The following ITFG1 variants were observed in gnomAD, a reference collection of about 807,000 sequenced individuals.
ITFG1 encodes the protein integrin alpha FG-GAP repeat containing 1.
ITFG1 carries 34 observed loss-of-function variants against 81.8 expected under a neutral mutation model. That is an observed-to-expected ratio of 0.42 (90% CI 0.32 to 0.55). ITFG1 has a LOEUF of 0.55. Ranked by LOEUF, ITFG1 falls within the 20% of genes least tolerant of loss-of-function variation. ITFG1 has a pLI of 0.17. For synonymous variants in ITFG1, 285 were observed against 270.6 expected (o/e 1.05, Z -0.52); for missense variants, 672 against 755.4 (o/e 0.89, Z 1.29).
At chr16:47,409,712 T>C (rs1267339073) in intron 6 of ITFG1, among the ~76,000 whole-genome samples, 3 of 150,954 alleles carry the variant, frequency 2.0e-5, no homozygotes, top group Admixed American at 2.0e-4. Context: ...CCACTGCACC[T>C]GACCCCACAA....
chr16:47,218,743 TAAGTATAATAA>T, intron 14 of ITFG1, 114 bp downstream of exon 14: 1 of 457,334 alleles, frequency 2.2e-6, no homozygotes, highest in Non-Finnish European at 3.8e-6. Context: ...ATGGAAAGAC[TAAGTATAATAA>T]AAGTGAAGAT....
chr16:47,364,276 CTG>C (rs1375085538), intron 8 of ITFG1, among the ~76,000 whole-genome samples: 2 of 152,170 alleles, frequency 1.3e-5, no homozygotes, highest in African/African-American at 2.4e-5. Flanking sequence ...CTTAATTTGA[CTG>C]TGTCTTATAA....
At chr16:47,262,020 C>T (rs1004352817) in intron 10 of ITFG1, among the ~76,000 whole-genome samples, 1 of 152,168 alleles carries the variant, frequency 6.6e-6, no homozygotes, top group Non-Finnish European at 1.5e-5. Context: ...TTCTTTTGTT[C>T]ATATAAAAAT....
At chr16:47,430,057 CTTTTT>C (rs920966590) in intron 5 of ITFG1, among the ~76,000 whole-genome samples, 4 of 122,014 alleles carry the variant, frequency 3.3e-5, no homozygotes, top group South Asian at 2.7e-4. Flanking sequence ...TTTTACTTTT[CTTTTT>C]TTTTTTTTTT....
Position 47,380,249 on chromosome 16 carries a change from G to T in ITFG1, c.656-4309C>A, listed in dbSNP as rs148534824. ...AGGGAACATCTAGGTTGATGAAGCA[G>T]AAACTCTGAGTCCTCAGATTCACGC... On this transcript the variant is annotated intron_variant, in intron 6 of 17. Coordinates refer to ENST00000320640, the MANE Select transcript of ITFG1 (RefSeq NM_030790.5). 2.6e-5 allele frequency among the ~76,000 whole-genome samples: 4 copies of T among 152,256 alleles called. No homozygotes were observed. The East Asian group carries it at 7.8e-4, about 30-fold the overall frequency.
intron 7 of ITFG1, among the ~76,000 whole-genome samples, chr16:47,374,385 G>C (rs189343783): frequency 9.4e-4 from 143 of 152,176 alleles, no homozygotes; most frequent in Non-Finnish European, 1.9e-3. Context: ...TATTCATCAA[G>C]AATCTTCTCC....
chr16:47,453,173 C>T (rs1969410194), intron 3 of ITFG1, among the ~76,000 whole-genome samples: 1 of 152,192 alleles, frequency 6.6e-6, no homozygotes, highest in Non-Finnish European at 1.5e-5. Flanking sequence ...TATATACAAG[C>T]TTTGTGCATG....
intron 14 of ITFG1, among the ~76,000 whole-genome samples, chr16:47,212,725 T>C (rs1666225824): frequency 6.6e-6 from 1 of 152,258 alleles, no homozygotes; most frequent in Non-Finnish European, 1.5e-5. Flanking sequence ...TGCATGTGCA[T>C]ATTATTCCCT....
At chr16:47,374,943 T>A (rs919073872) in intron 7 of ITFG1, among the ~76,000 whole-genome samples, 2 of 152,180 alleles carry the variant, frequency 1.3e-5, no homozygotes, top group Non-Finnish European at 2.9e-5. Context: ...TCTCCTTCCA[T>A]AAGTTTGTGC....
intron 10 of ITFG1, among the ~76,000 whole-genome samples, chr16:47,297,305 T>A (rs1234502330): frequency 1.3e-5 from 2 of 152,222 alleles, no homozygotes; most frequent in African/African-American, 4.8e-5. Context: ...CCACAGTCTG[T>A]AAGTGTCTTT....
intron 14 of ITFG1, among the ~76,000 whole-genome samples, chr16:47,212,371 ATC>A (rs1301978502): frequency 1.3e-5 from 2 of 152,016 alleles, no homozygotes; most frequent in Non-Finnish European, 2.9e-5. Flanking sequence ...ATGCCACTAC[ATC>A]TGGCTTATTT....
intron 10 of ITFG1, among the ~76,000 whole-genome samples, chr16:47,272,501 T>C (rs899708882): frequency 1.3e-5 from 2 of 152,170 alleles, no homozygotes; most frequent in African/African-American, 4.8e-5. Context: ...GTAGAAGTGA[T>C]TCTCCTGCCT....
chr16:47,383,636 T>C (rs1968422586), intron 6 of ITFG1, among the ~76,000 whole-genome samples: 1 of 152,266 alleles, frequency 6.6e-6, no homozygotes, highest in South Asian at 2.1e-4. Context: ...CCGGGCATGG[T>C]GGCACACGCC....
intron 8 of ITFG1, among the ~76,000 whole-genome samples, chr16:47,332,781 C>T (rs1341010178): frequency 6.6e-6 from 1 of 152,106 alleles, no homozygotes; most frequent in Non-Finnish European, 1.5e-5. Context: ...TTAGGAATGG[C>T]CCAGAACCAG....
Position 47,260,545 on chromosome 16 carries a change from A to T in ITFG1, c.1221T>A (p.Asp407Glu). The T allele has an allele frequency of 6.2e-7, 1 of 1,614,166 alleles. No individual in the cohort carries two copies. Among genetic ancestry groups the T allele is most frequent in the Non-Finnish European group, 8.5e-7 (1 of 1,180,000 alleles). The change falls in exon 11 of 18, where the codon GAT becomes GAA. Residue 407 changes from aspartate to glutamate, a missense_variant and splice_region_variant. Asp to Glu is a conservative substitution (Grantham distance 45, BLOSUM62 2). Around this residue, in one of 3 missense-constraint regions of ITFG1, gnomAD observed 560 missense variants for 625.7 expected, o/e 0.90. Coordinates refer to ENST00000320640, the MANE Select transcript of ITFG1 (RefSeq NM_030790.5). ...MVATFFDIYE[D>E]GILDIVVLSK... Reference sequence around the variant, plus strand: ...ACACACAGCCCAGCTCTGAACTCACATCTTCGTAAATGTCAAAGAAGGTGG... The same window carrying T: ...ACACACAGCCCAGCTCTGAACTCACTTCTTCGTAAATGTCAAAGAAGGTGG...
At chr16:47,375,540 T>C (rs1481797334) in intron 7 of ITFG1, among the ~76,000 whole-genome samples, 2 of 152,046 alleles carry the variant, frequency 1.3e-5, no homozygotes, top group African/African-American at 4.8e-5. Flanking sequence ...TTTAAAATAG[T>C]TTTTTTTCAT....
intron 8 of ITFG1, among the ~76,000 whole-genome samples, chr16:47,348,573 T>C (rs765120838): frequency 2.6e-5 from 4 of 152,156 alleles, no homozygotes; most frequent in Non-Finnish European, 5.9e-5. Context: ...AAAGACCAAA[T>C]CTACGTCTGA....
At chr16:47,177,588 T>C (rs770360010) in intron 14 of ITFG1, among the ~76,000 whole-genome samples, 30 of 152,344 alleles carry the variant, frequency 2.0e-4, no homozygotes, top group Non-Finnish European at 3.7e-4. Flanking sequence ...CGCATATACA[T>C]ATTGTAATTC....
At chr16:47,248,096 A>G (rs1966023961) in intron 12 of ITFG1, among the ~76,000 whole-genome samples, 1 of 152,214 alleles carries the variant, frequency 6.6e-6, no homozygotes, top group Admixed American at 6.5e-5. Flanking sequence ...CTATTATAGG[A>G]AGCAATTGTG....
Sources: allele counts gnomAD v4.1 joint callset (sites outside exome capture counted in the v4.1 genomes callset), GRCh38; gene constraint gnomAD v4.1.1; regional missense constraint gnomAD v4.1.1; transcripts MANE v1.5; gene names NCBI Gene and HGNC (gene_info 2026-07-23, HGNC 2026-07-21).